The following SLC35D2 variants were observed in gnomAD, a reference collection of about 807,000 sequenced individuals.
The protein encoded by SLC35D2 is nucleotide sugar transporter SLC35D2.
In SLC35D2, 43 loss-of-function variants were observed where a neutral mutation model predicts 41.8. The observed-to-expected ratio is 1.03, with a 90% confidence interval of 0.81 to 1.33. SLC35D2 has a LOEUF of 1.33. SLC35D2 is among the 40% of genes most tolerant of loss of function. The pLI, the probability that SLC35D2 is intolerant of heterozygous loss-of-function variation, is 0.00. For synonymous variants in SLC35D2, 150 were observed against 163.9 expected, an observed-to-expected ratio of 0.92 and a Z score of 0.65; for missense variants, 380 against 408.4, an observed-to-expected ratio of 0.93 and a Z score of 0.60.
At chr9:96,361,017 A>G (rs186563354) in intron 3 of SLC35D2, among the ~76,000 whole-genome samples, 106 of 152,260 alleles carry the variant, frequency 7.0e-4, no homozygotes, top group African/African-American at 2.3e-3. Context: ...TACTGGGATT[A>G]CAGGTGTGAG....
At chr9:96,322,809 C>A (rs1828314468) in intron 10 of SLC35D2, among the ~76,000 whole-genome samples, 2 of 143,846 alleles carry the variant, frequency 1.4e-5, no homozygotes, top group Admixed American at 7.1e-5. Context: ...ACCTTTGCCT[C>A]CCAGGTTCAA....
intron 3 of SLC35D2, among the ~76,000 whole-genome samples, chr9:96,364,243 G>A (rs972093059): frequency 1.3e-5 from 2 of 152,156 alleles, no homozygotes; most frequent in African/African-American, 4.8e-5. Flanking sequence ...GCTGAGGCAC[G>A]AGAATCACTT....
chr9:96,326,675 T>C (rs1564086369), intron 9 of SLC35D2, among the ~76,000 whole-genome samples: 1 of 151,682 alleles, frequency 6.6e-6, no homozygotes, highest in African/African-American at 2.4e-5. Context: ...CATGGTGGCA[T>C]GCGCCTGTAA....
At chr9:96,374,014 G>A (rs1830827361) in intron 1 of SLC35D2, 1 of 152,164 alleles carries the variant, frequency 6.6e-6, no homozygotes, top group Non-Finnish European at 1.5e-5. Flanking sequence ...AAAGGCTGGA[G>A]GGGAATCCCA....
In SLC35D2 at chr9:96,343,890, T is replaced by A; in HGVS notation, c.684+14A>T. ...GCCAGCTAAGGAAAACTGTAATGAT[T>A]GTCATCAGCTCACCTGTTGCAGGTC... On this transcript the variant is annotated intron_variant, in intron 8 of 11. Transcript: ENST00000253270. The A allele has an allele frequency of 6.7e-7, 1 of 1,485,788 alleles. No homozygotes were observed. The highest frequency in any genetic ancestry group is 9.0e-7 in the Non-Finnish European group (1 of 1,107,884). 92.0% of individuals were successfully genotyped at this position (1,485,788 alleles called of 1,614,324 possible).
intron 7 of SLC35D2, among the ~76,000 whole-genome samples, chr9:96,344,741 G>A (rs1829502964): frequency 6.7e-6 from 1 of 148,522 alleles, no homozygotes; most frequent in Non-Finnish European, 1.5e-5. Context: ...GGGAGGGGGA[G>A]GGATGGGGCC....
chr9:96,369,501 G>C (rs567851434), intron 1 of SLC35D2, among the ~76,000 whole-genome samples: 1 of 152,238 alleles, frequency 6.6e-6, no homozygotes. Context: ...CAAAGTCAGA[G>C]GAATGACTCT....
intron 11 of SLC35D2, 123 bp from the exon 12 acceptor site, chr9:96,321,464 T>G: frequency 1.5e-6 from 1 of 668,542 alleles, no homozygotes; most frequent in Non-Finnish European, 2.6e-6. Context: ...AATATCTGTG[T>G]TTCTCCTCAA....
intron 2 of SLC35D2, 59 bp downstream of exon 2, chr9:96,368,213 A>G: frequency 7.2e-7 from 1 of 1,390,046 alleles, no homozygotes; most frequent in Non-Finnish European, 1.0e-6. Flanking sequence ...AAGGACTTAA[A>G]ATGTCATTAT....
chr9:96,329,327 C>T, intron 9 of SLC35D2, among the ~76,000 whole-genome samples: 2 of 152,114 alleles, frequency 1.3e-5, no homozygotes, highest in South Asian at 4.2e-4. Flanking sequence ...AACTCCTGAG[C>T]TCAAGCAATC....
intron 7 of SLC35D2, among the ~76,000 whole-genome samples, chr9:96,344,989 A>G (rs1382197690): frequency 3.3e-5 from 5 of 152,170 alleles, no homozygotes; most frequent in Non-Finnish European, 5.9e-5. Flanking sequence ...CTCTGAACAA[A>G]TATCGTGACC....
intron 6 of SLC35D2, among the ~76,000 whole-genome samples, chr9:96,347,612 C>G (rs1829636999): frequency 1.3e-5 from 2 of 152,080 alleles, no homozygotes; most frequent in Non-Finnish European, 2.9e-5. Context: ...CTCCTGGGCT[C>G]AAGCAATCCC....
At chr9:96,336,173 G>C (rs1829044160) in intron 9 of SLC35D2, among the ~76,000 whole-genome samples, 1 of 152,138 alleles carries the variant, frequency 6.6e-6, no homozygotes, top group Non-Finnish European at 1.5e-5. Context: ...TAGCACTATA[G>C]GAAAAGGCTG....
chr9:96,335,322 G>A (rs935368171), intron 9 of SLC35D2, among the ~76,000 whole-genome samples: 11 of 152,176 alleles, frequency 7.2e-5, no homozygotes, highest in Non-Finnish European at 1.6e-4. Flanking sequence ...TGGAGGCGAG[G>A]AAGAATGGAG....
At chr9:96,363,631 G>A (rs1298578110) in intron 3 of SLC35D2, among the ~76,000 whole-genome samples, 2 of 152,232 alleles carry the variant, frequency 1.3e-5, no homozygotes, top group African/African-American at 4.8e-5. Context: ...AAAAAACTGC[G>A]TATTTCTATG....
intron 9 of SLC35D2, among the ~76,000 whole-genome samples, chr9:96,334,615 G>A (rs917715697): frequency 5.9e-5 from 9 of 152,008 alleles, no homozygotes; most frequent in African/African-American, 2.2e-4. Flanking sequence ...TCCAGCCTGG[G>A]AGACAAAGTG....
chr9:96,349,896 C>T (rs1829739405), intron 6 of SLC35D2, among the ~76,000 whole-genome samples: 1 of 152,120 alleles, frequency 6.6e-6, no homozygotes, highest in African/African-American at 2.4e-5. Context: ...CTGGAGCATC[C>T]TCCACAGAAC....
At chr9:96,380,179 G>T (rs1042735145) in intron 1 of SLC35D2, among the ~76,000 whole-genome samples, 1 of 152,152 alleles carries the variant, frequency 6.6e-6, no homozygotes, top group African/African-American at 2.4e-5. Context: ...GTATAGGCGT[G>T]AGCCACCGCG....
intron 9 of SLC35D2, among the ~76,000 whole-genome samples, chr9:96,336,187 T>G (rs777529375): frequency 2.0e-5 from 3 of 152,152 alleles, no homozygotes; most frequent in Non-Finnish European, 4.4e-5. Flanking sequence ...AAGGCTGTCA[T>G]AGTCACATAA....
Sources: allele counts gnomAD v4.1 joint callset (sites outside exome capture counted in the v4.1 genomes callset), GRCh38; gene constraint gnomAD v4.1.1; transcripts MANE v1.5; gene names NCBI Gene and HGNC (gene_info 2026-07-23, HGNC 2026-07-21).